THSD7A: variants seen among roughly 807,000 people sequenced by gnomAD.
THSD7A encodes the protein thrombospondin type 1 domain containing 7A.
A neutral mutation model predicts 231.3 loss-of-function variants in THSD7A; 96 were observed. The ratio of observed to expected loss-of-function variants is 0.41; its 90% confidence interval spans 0.35 to 0.49. THSD7A has a LOEUF of 0.49. Ranked by LOEUF, THSD7A falls within the 20% of genes least tolerant of loss-of-function variation. THSD7A has a pLI of 0.05. For missense variants in THSD7A, 2,290 were observed against 2,070.2 expected, an observed-to-expected ratio of 1.11 and a Z score of -2.06; for synonymous variants, 940 against 743.3, an observed-to-expected ratio of 1.26 and a Z score of -4.30.
rs1583690340 is a variant in THSD7A, at chr7:11,411,145, G to A, written c.3798+62C>T. The stretch of plus-strand genomic sequence containing the variant: ...CATGGAGCACGGGTCACTTGGCTCA[G>A]CATGAATTGAAATTATTAGGGAAGA... On this transcript the variant is annotated intron_variant, in intron 19 of 27. Transcript: ENST00000423059. This position sits in a 1 kb window ranked among gnomAD's most constrained non-coding sequence, Gnocchi z 4.1. 1 of 1,304,760 alleles carries A rather than the reference G, an allele frequency of 7.7e-7. No homozygotes were observed. The highest frequency in any genetic ancestry group is 1.1e-6 in the Non-Finnish European group (1 of 914,714). 80.8% of individuals were successfully genotyped at this position (1,304,760 alleles called of 1,614,324 possible).
intron 1 of THSD7A, among the ~76,000 whole-genome samples, chr7:11,750,148 G>A (rs1782451024): frequency 6.6e-6 from 1 of 151,598 alleles, no homozygotes; most frequent in Non-Finnish European, 1.5e-5. Context: ...TATGACATAG[G>A]TTATATTTAA....
chr7:11,501,423 A>G (rs1431087751), intron 6 of THSD7A, among the ~76,000 whole-genome samples: 1 of 152,212 alleles, frequency 6.6e-6, no homozygotes, highest in East Asian at 1.9e-4. Flanking sequence ...AAATCACACC[A>G]AACATACTCT....
intron 22 of THSD7A, among the ~76,000 whole-genome samples, chr7:11,402,633 T>A (rs1042427464): frequency 6.6e-6 from 1 of 152,180 alleles, no homozygotes; most frequent in Admixed American, 6.5e-5. Flanking sequence ...GATAATCTGA[T>A]TATATAACCA....
intron 1 of THSD7A, among the ~76,000 whole-genome samples, chr7:11,774,813 G>T (rs1287222985): frequency 6.6e-6 from 1 of 152,208 alleles, no homozygotes; most frequent in African/African-American, 2.4e-5. Context: ...CCGGCACTTT[G>T]GGAGGACGAG....
intron 1 of THSD7A, among the ~76,000 whole-genome samples, chr7:11,669,926 A>T (rs79558184): frequency 0.094 from 14,286 of 152,020 alleles, 863 homozygotes; most frequent in Non-Finnish European, 0.15. Flanking sequence ...TTCATCCCTA[A>T]TAACAACTCT....
chr7:11,682,943 T>G (rs1042653936), intron 1 of THSD7A, among the ~76,000 whole-genome samples: 1 of 151,670 alleles, frequency 6.6e-6, no homozygotes, highest in Non-Finnish European at 1.5e-5. Context: ...GCCAAGATAG[T>G]GAAATCCCAT....
chr7:11,464,973 A>G (rs538269723), intron 9 of THSD7A, among the ~76,000 whole-genome samples: 4 of 152,322 alleles, frequency 2.6e-5, no homozygotes, highest in Admixed American at 6.5e-5. Flanking sequence ...CACACATTAA[A>G]AACAAAAAAT....
chr7:11,634,790 A>C lies in THSD7A; in HGVS notation c.1022+1340T>G, dbSNP rs569105922. Among the ~76,000 whole-genome samples the C allele has an allele frequency of 4.9e-4, 75 of 152,250 alleles. No homozygotes were observed. The highest frequency in any genetic ancestry group is 1.7e-3 in the African/African-American group (72 of 41,540). ...GGAGAGAGTAGCAAAAATTCCAAAA[A>C]ACAGTAACCAGAACTCTATGATGAG... On this transcript the variant is annotated intron_variant, in intron 2 of 27. Transcript: ENST00000423059. The surrounding 1 kb of genome is among the most constrained non-coding windows in gnomAD (Gnocchi z 4.1).
intron 1 of THSD7A, among the ~76,000 whole-genome samples, chr7:11,721,856 C>G (rs1562503660): frequency 6.6e-6 from 1 of 151,880 alleles, no homozygotes; most frequent in African/African-American, 2.4e-5. Flanking sequence ...AATCCAGCCC[C>G]ACTTATATCT....
At chr7:11,643,603 G>GCACACACA (rs71027421) in intron 1 of THSD7A, among the ~76,000 whole-genome samples, 1 of 149,506 alleles carries the variant, frequency 6.7e-6, no homozygotes, top group Non-Finnish European at 1.5e-5. Flanking sequence ...ACGCACGCGC[G>GCACACACA]CACACACACA....
chr7:11,405,773 T>C (rs1036031321), intron 22 of THSD7A, among the ~76,000 whole-genome samples: 55 of 152,208 alleles, frequency 3.6e-4, no homozygotes, highest in African/African-American at 1.2e-3. Flanking sequence ...CAGTTGTAGA[T>C]AATCTGTTAT....
At position 11,589,905 on chromosome 7, in the gene THSD7A, AT is replaced by A; in HGVS notation, c.1453+554del. 2.6e-5 allele frequency among the ~76,000 whole-genome samples: 4 copies of A among 152,282 alleles called. No homozygotes were observed. The Middle Eastern group carries it at 0.01, about 391-fold the overall frequency. ...TATATCTGGTCCTGAAACAGATTTA[AT>A]TAAAAAAAGATTTATCTGCCAAACA... is the stretch of plus-strand genomic sequence containing the variant. On this transcript the variant is annotated intron_variant, in intron 4 of 27. Transcript: ENST00000423059.
At chr7:11,672,085 T>G (rs1356194999) in intron 1 of THSD7A, among the ~76,000 whole-genome samples, 1 of 152,156 alleles carries the variant, frequency 6.6e-6, no homozygotes, top group Non-Finnish European at 1.5e-5. Context: ...TTGTTATAGT[T>G]GATAAAATAT....
intron 6 of THSD7A, among the ~76,000 whole-genome samples, chr7:11,514,120 G>T (rs570549493): frequency 6.6e-6 from 1 of 151,914 alleles, no homozygotes; most frequent in East Asian, 1.9e-4. Context: ...TTCTGTCCCT[G>T]CTTAAATATT....
At chr7:11,584,130 T>A (rs1791289713) in intron 4 of THSD7A, among the ~76,000 whole-genome samples, 1 of 152,162 alleles carries the variant, frequency 6.6e-6, no homozygotes, top group Admixed American at 6.5e-5. Flanking sequence ...TGTGTAACAC[T>A]TTTCCTGTAC....
At chr7:11,401,250 T>C (rs1309076334) in intron 23 of THSD7A, among the ~76,000 whole-genome samples, 1 of 152,126 alleles carries the variant, frequency 6.6e-6, no homozygotes, top group Non-Finnish European at 1.5e-5. Context: ...TGCTCCTAAT[T>C]ATCTCAGCCT....
chr7:11,630,458 T>C (rs1781612310), intron 2 of THSD7A, among the ~76,000 whole-genome samples: 1 of 152,210 alleles, frequency 6.6e-6, no homozygotes, highest in African/African-American at 2.4e-5. Flanking sequence ...TGTTAATATT[T>C]CTAGAGGTTA....
chr7:11,679,170 A>G (rs1391560659), intron 1 of THSD7A, among the ~76,000 whole-genome samples: 1 of 152,238 alleles, frequency 6.6e-6, no homozygotes, highest in East Asian at 1.9e-4. Context: ...AAAAACACTC[A>G]ATAAACAAGG....
At chr7:11,624,542 C>T (rs184238005) in intron 2 of THSD7A, among the ~76,000 whole-genome samples, 56 of 152,218 alleles carry the variant, frequency 3.7e-4, no homozygotes, top group Admixed American at 1.4e-3. Context: ...CCATACCCTA[C>T]TTAGGTAAGT....
Sources: gnomAD v4.1 joint callset for allele counts (sites outside exome capture counted in the v4.1 genomes callset) on GRCh38, gnomAD v4.1.1 for gene constraint, Gnocchi (gnomAD v3.1) non-coding constraint, MANE v1.5 for transcripts, NCBI Gene and HGNC (gene_info 2026-07-23, HGNC 2026-07-21) for gene names.